The following ADAMTSL1 variants were observed in gnomAD, a reference collection of about 807,000 sequenced individuals.
ADAMTSL1 encodes ADAMTS-like protein 1.
ADAMTSL1 carries 126 observed loss-of-function variants against 201.8 expected under a neutral mutation model. The observed-to-expected ratio is 0.62, with a 90% CI of 0.54 to 0.72. The LOEUF is 0.72. ADAMTSL1 is among the 30% of genes least tolerant of loss of function. The pLI, the probability that ADAMTSL1 is intolerant of heterozygous loss-of-function variation, is 0.00. For missense variants in ADAMTSL1, 2,679 were observed against 2,277.8 expected (o/e 1.18, Z -3.59); for synonymous variants, 1,121 against 903.4 (o/e 1.24, Z -4.32).
In ADAMTSL1 at chr9:18,090,099, A is replaced by G. The variant is rs150652847; in HGVS notation, c.88-73763A>G. Among the ~76,000 whole-genome samples the G allele has an allele frequency of 1.5e-3, 232 of 152,220 alleles. 1 individual carries two copies. The highest frequency in any genetic ancestry group is 5.4e-3 in the African/African-American group (226 of 41,568). On this transcript the variant is annotated intron_variant, in intron 1 of 29. Transcript: ENST00000680146. ...ACACACCCATAGGATGTCTATTATG[A>G]AAAAGAAAAAGAAAGTAAGTATTGG... is the stretch of plus-strand genomic sequence containing the variant.
At chr9:18,858,427 CCT>C (rs1268871263) in intron 23 of ADAMTSL1, among the ~76,000 whole-genome samples, 1 of 152,210 alleles carries the variant, frequency 6.6e-6, no homozygotes, top group African/African-American at 2.4e-5. Context: ...ACCACGGCTC[CCT>C]GTCTCCCTAT....
chr9:18,684,810 A>G lies in ADAMTSL1; in HGVS notation c.1574+10A>G, dbSNP rs2133199866. On this transcript the variant is annotated intron_variant, in intron 13 of 28. Transcript: ENST00000380548. ...TGTCAGAGGAGCCCTCGTAAGTTGT[A>G]AAAGCACAGACTGTTCTATATTTGA... 1.9e-6 allele frequency: 3 copies of G among 1,605,764 alleles called. No homozygotes were observed. In the South Asian group the frequency reaches 3.4e-5, roughly 18 times the overall value.
intron 1 of ADAMTSL1, among the ~76,000 whole-genome samples, chr9:17,937,647 T>TTAAAGTA (rs1554667074): frequency 2.6e-5 from 4 of 151,454 alleles, no homozygotes; most frequent in African/African-American, 9.7e-5. Context: ...TTAAATTCCT[T>TTAAAGTA]AAATACTAAG....
chr9:18,002,442 A>G (rs548216400), intron 1 of ADAMTSL1, among the ~76,000 whole-genome samples: 2 of 152,174 alleles, frequency 1.3e-5, no homozygotes, highest in South Asian at 2.1e-4. Context: ...AGATAGTGTA[A>G]TATATGTAAA....
intron 23 of ADAMTSL1, among the ~76,000 whole-genome samples, chr9:18,832,131 G>A (rs886853096): frequency 4.6e-5 from 7 of 152,160 alleles, no homozygotes; most frequent in African/African-American, 1.7e-4. Flanking sequence ...AAACGAACAA[G>A]CCTCAGCCAC....
chr9:18,901,947 A>C (rs2131607001), intron 26 of ADAMTSL1, among the ~76,000 whole-genome samples: 1 of 152,322 alleles, frequency 6.6e-6, no homozygotes, highest in East Asian at 1.9e-4. Flanking sequence ...AATTAGGTTG[A>C]AAGTGAAGGA....
chr9:18,137,292 A>G, intron 1 of ADAMTSL1, among the ~76,000 whole-genome samples: 1 of 152,344 alleles, frequency 6.6e-6, no homozygotes, highest in South Asian at 2.1e-4. Context: ...AGATGAAAAT[A>G]TAAATGACTT....
chr9:18,550,671 C>A (rs931541506), intron 3 of ADAMTSL1, among the ~76,000 whole-genome samples: 5 of 151,868 alleles, frequency 3.3e-5, no homozygotes, highest in Admixed American at 1.3e-4. Context: ...AGAAAAGGAC[C>A]CACTGAGCCA....
chr9:18,720,611 C>A (rs1833281968), intron 14 of ADAMTSL1, among the ~76,000 whole-genome samples: 1 of 152,088 alleles, frequency 6.6e-6, no homozygotes, highest in South Asian at 2.1e-4. Context: ...GGTGAAACCC[C>A]ATCTCTACTA....
Position 18,449,002 on chromosome 9 carries a change from T to A in ADAMTSL1, c.208-55827T>A, listed in dbSNP as rs150945464. On this transcript the variant is annotated intron_variant, in intron 2 of 29. Transcript: ENST00000680146. ...AAATACTAAATAAAATATATGGGGG[T>A]TTTCTTTTCTCTTAAGTAGTTCATC... Among the ~76,000 whole-genome samples, 758 of 151,732 alleles carry A rather than the reference T, an allele frequency of 5.0e-3. 6 individuals carry two copies. The highest frequency in any genetic ancestry group is 0.017 in the African/African-American group (707 of 41,460).
intron 3 of ADAMTSL1, among the ~76,000 whole-genome samples, chr9:18,559,989 A>G (rs1459974199): frequency 1.3e-5 from 2 of 152,252 alleles, no homozygotes; most frequent in East Asian, 1.9e-4. Flanking sequence ...TCCTATTTGT[A>G]TACCCTTTAT....
At chr9:18,220,989 G>A (rs923295422) in intron 2 of ADAMTSL1, among the ~76,000 whole-genome samples, 1 of 151,890 alleles carries the variant, frequency 6.6e-6, no homozygotes, top group Non-Finnish European at 1.5e-5. Context: ...TGCCCAGGCT[G>A]GTCTCAAACT....
At chr9:18,223,864 G>C (rs557592460) in intron 2 of ADAMTSL1, among the ~76,000 whole-genome samples, 55 of 151,664 alleles carry the variant, frequency 3.6e-4, no homozygotes, top group African/African-American at 1.2e-3. Context: ...GGAAATTTTT[G>C]AGGCCTGGGT....
chr9:18,618,156 G>C (rs1054270342), intron 4 of ADAMTSL1, among the ~76,000 whole-genome samples: 7 of 152,166 alleles, frequency 4.6e-5, no homozygotes, highest in Non-Finnish European at 7.4e-5. Flanking sequence ...TGATGCATCA[G>C]GGCAGAGGTT....
chr9:18,605,668 C>T (rs1824964101), intron 4 of ADAMTSL1, among the ~76,000 whole-genome samples: 1 of 152,160 alleles, frequency 6.6e-6, no homozygotes, highest in Non-Finnish European at 1.5e-5. Flanking sequence ...CTGCATCACC[C>T]CGGTACTATA....
chr9:18,627,445 A>G (rs1826462660), intron 5 of ADAMTSL1, among the ~76,000 whole-genome samples: 1 of 152,234 alleles, frequency 6.6e-6, no homozygotes, highest in Non-Finnish European at 1.5e-5. Flanking sequence ...TTAAAGCAAC[A>G]CAAATTTATT....
At chr9:17,980,539 G>A (rs995420973) in intron 1 of ADAMTSL1, among the ~76,000 whole-genome samples, 1 of 151,994 alleles carries the variant, frequency 6.6e-6, no homozygotes, top group African/African-American at 2.4e-5. Flanking sequence ...TGTATGAACT[G>A]AATGTTTGTG....
chr9:18,424,498 A>G (rs1819112475), intron 2 of ADAMTSL1, among the ~76,000 whole-genome samples: 1 of 152,216 alleles, frequency 6.6e-6, no homozygotes, highest in Admixed American at 6.5e-5. Context: ...AGTGAAAACA[A>G]GTACTATGGG....
chr9:18,142,920 G>C (rs1490553729), intron 1 of ADAMTSL1, among the ~76,000 whole-genome samples: 3 of 152,256 alleles, frequency 2.0e-5, no homozygotes, highest in East Asian at 3.9e-4. Flanking sequence ...TATCACACCG[G>C]GGGGTAATGC....
Sources: gnomAD v4.1 joint callset for allele counts (sites outside exome capture counted in the v4.1 genomes callset) on GRCh38, gnomAD v4.1.1 for gene constraint, MANE v1.5 for transcripts, NCBI Gene and HGNC (gene_info 2026-07-23, HGNC 2026-07-21) for gene names.